The following PCNX3 variants were observed in gnomAD, a reference collection of about 807,000 sequenced individuals.
The protein encoded by PCNX3 is pecanex-like protein 3.
Under a neutral mutation model 207.2 loss-of-function variants are expected in PCNX3, and 58 were observed. The ratio of observed to expected loss-of-function variants is 0.28; its 90% CI spans 0.23 to 0.35. The LOEUF is 0.35. Among genes scored for constraint, PCNX3 ranks in the 10% least tolerant of loss-of-function variants. The pLI is 1.00. For missense variants in PCNX3, 2,410 were observed against 2,774.4 expected (o/e 0.87, Z 2.95); for synonymous variants, 1,337 against 1,183.5 (o/e 1.13, Z -2.66).
Position 65,632,558 on chromosome 11 carries a change from C to T in PCNX3, c.4471-1568C>T, listed in dbSNP as rs115093909. 1.4e-3 allele frequency among the ~76,000 whole-genome samples: 179 copies of T among 131,850 alleles called. 4 individuals are homozygous for T. The highest frequency in any genetic ancestry group is 4.8e-3 in the African/African-American group (173 of 36,006). 86.5% of individuals were successfully genotyped at this position (131,850 alleles called of 152,430 possible). On this transcript the variant is annotated intron_variant, in intron 27 of 34. Coordinates refer to ENST00000355703, the MANE Select transcript of PCNX3 (RefSeq NM_032223.4). ...CTGGGCAGTGCTTCCCGGGAAGTAC[C>T]TTGGGCAGAGCCCAGCTCGCAGTGA...
In PCNX3 at chr11:65,624,591, C is replaced by T; in HGVS notation, c.2827+10C>T. 2 of 1,575,550 alleles carry T rather than the reference C, an allele frequency of 1.3e-6. No homozygotes were observed. Among genetic ancestry groups the T allele is most frequent in the Non-Finnish European group, 1.7e-6 (2 of 1,158,860 alleles). On this transcript the variant is annotated intron_variant, in intron 15 of 34. Coordinates refer to ENST00000355703, the MANE Select transcript of PCNX3 (RefSeq NM_032223.4). The stretch of plus-strand genomic sequence containing the variant: ...GGCTTCGGGGGCACAGGTATGATGC[C>T]CACAGGTGGCTCAGGGATGGGGCCC...
At position 65,634,961 on chromosome 11, in the gene PCNX3, C is replaced by T; in HGVS notation, c.4806-12C>T. 1.9e-6 allele frequency: 3 copies of T among 1,604,344 alleles called. No individual in the cohort carries two copies. The highest frequency in any genetic ancestry group is 1.1e-5 in the South Asian group (1 of 90,434). On this transcript the variant is annotated splice_polypyrimidine_tract_variant and intron_variant, in intron 29 of 34. Transcript: ENST00000355703. ...ACCCCTCTCTCCCCTCCCTGTTTTTCCTCCCACTTAGCCTGGAGCCCTTCC... is the reference window on the plus strand; with the variant it reads ...ACCCCTCTCTCCCCTCCCTGTTTTTTCTCCCACTTAGCCTGGAGCCCTTCC...
intron 5 of PCNX3, 86 bp downstream of exon 5, chr11:65,617,792 T>G: frequency 1.3e-6 from 2 of 1,500,116 alleles, no homozygotes; most frequent in Non-Finnish European, 1.8e-6. Flanking sequence ...CCATCCTGGG[T>G]CTCCTCTGTA....
Position 65,628,512 on chromosome 11 carries a change from A to G in PCNX3, c.3703-83A>G, listed in dbSNP as rs549844433. The G allele has an allele frequency of 4.0e-5, 54 of 1,339,648 alleles. 1 individual carries two copies. In the Admixed American group the frequency reaches 9.8e-4, roughly 24 times the overall value. The allele number at this position is 1,339,648 out of a possible 1,614,324, so 83.0% of individuals were successfully genotyped here. A position where few individuals can be genotyped will look rare whatever the true frequency, so the allele number is the denominator to read the frequency against. Reference sequence around the variant, plus strand: ...TGGGCCAAGCCAGTGCGATGACCCAAGCCTCTGAATGGGGCCTGGCATCCG... The same window carrying G: ...TGGGCCAAGCCAGTGCGATGACCCAGGCCTCTGAATGGGGCCTGGCATCCG... On this transcript the variant is annotated intron_variant, in intron 22 of 34. Transcript: ENST00000355703.
At chr11:65,617,863 C>A in intron 5 of PCNX3, 77 bp from the exon 6 acceptor site, 2 of 1,471,042 alleles carry the variant, frequency 1.4e-6, no homozygotes, top group South Asian at 2.6e-5. Context: ...AAGTACAGGG[C>A]ATAAGACCTC....
chr11:65,619,759 T>G lies in PCNX3; in HGVS notation c.1835T>G (p.Leu612Arg). The G allele has an allele frequency of 6.4e-7, 1 of 1,568,506 alleles. No homozygotes were observed. Among genetic ancestry groups the G allele is most frequent in the African/African-American group, 1.3e-5 (1 of 74,340 alleles). ...CTGGGGCTGACCCTCTCCAGCAGCC[T>G]GCAGGAAGCTCAGCGGGGCCGGGCT... Reference protein sequence around the residue: ...ASVMGSPPSSLQEAQRGRAAS... With the variant: ...ASVMGSPPSSRQEAQRGRAAS... Residue 612 changes from leucine to arginine, a missense_variant, in exon 8 of 35, where the codon CTG becomes CGG. By Grantham distance (102) the Leu-to-Arg change is moderately radical. Around this residue, in one of 8 missense-constraint regions of PCNX3, gnomAD observed 1,104 missense variants for 970.3 expected, o/e 1.14. Coordinates refer to ENST00000355703, the MANE Select transcript of PCNX3 (RefSeq NM_032223.4).
At position 65,634,525 on chromosome 11, in the gene PCNX3, C is replaced by T. The variant is rs1809054841; in HGVS notation, c.4702-13C>T. ...CTGAGCTGGGCTCTGGGATGGGGGT[C>T]CTTATGCCACAGCCCGTGGACCAGG... On this transcript the variant is annotated splice_polypyrimidine_tract_variant and intron_variant, in intron 28 of 34. Coordinates refer to ENST00000355703, the MANE Select transcript of PCNX3 (RefSeq NM_032223.4). 1 of 1,577,408 alleles carries T rather than the reference C, an allele frequency of 6.3e-7. No individual in the cohort carries two copies. The highest frequency in any genetic ancestry group is 1.8e-5 in the Admixed American group (1 of 55,778).
In PCNX3 at chr11:65,622,167, G is replaced by GGGTGTGAA; in HGVS notation, c.2236-74_2236-73insTGAAGGTG. On this transcript the variant is annotated intron_variant, in intron 10 of 34. Coordinates refer to ENST00000355703, the MANE Select transcript of PCNX3 (RefSeq NM_032223.4). ...GGGGGGTAACAGTAGACCATGTGGG[G>GGGTGTGAA]GGTGGCGGGGCTGACGGCCGCGGCT... 2.0e-6 allele frequency: 3 copies of GGGTGTGAA among 1,509,434 alleles called. No homozygotes were observed. In the South Asian group the frequency reaches 3.8e-5, roughly 19 times the overall value. The allele number at this position is 1,509,434 out of a possible 1,614,324, so 93.5% of individuals were successfully genotyped here.
In PCNX3 at chr11:65,617,648, T is replaced by C. The variant is rs777997538; in HGVS notation, c.519T>C (p.Asn173=). The C allele has an allele frequency of 1.9e-6, 3 of 1,600,544 alleles. No homozygotes were observed. The highest frequency in any genetic ancestry group is 2.6e-6 in the Non-Finnish European group (3 of 1,173,488). Residue 173 remains asparagine, a synonymous_variant, in exon 5 of 35, where the codon AAT becomes AAC. Coordinates refer to ENST00000355703, the MANE Select transcript of PCNX3 (RefSeq NM_032223.4). ...TGGTGCGGGAGCAGGGCAGCAACAA[T>C]GTGATCGTGACTTCTGCCGACCGAG... ...KELVREQGSN[N]VIVTSADREM... is the part of the protein sequence containing the mutation.
At chr11:65,624,653 T>TG (rs1404077196) in intron 15 of PCNX3, 72 bp downstream of exon 15, 21 of 1,368,680 alleles carry the variant, frequency 1.5e-5, no homozygotes, top group Non-Finnish European at 2.0e-5. Flanking sequence ...ATTGGGTCCT[T>TG]GGCTCCACCC....
chr11:65,629,539 C>T lies in PCNX3; in HGVS notation c.4020C>T (p.Leu1340=), dbSNP rs777616571. The T allele has an allele frequency of 8.7e-6, 14 of 1,613,660 alleles. No homozygotes were observed. Among genetic ancestry groups the T allele is most frequent in the South Asian group, 7.7e-5 (7 of 91,074 alleles). Residue 1340 remains leucine (L), a synonymous_variant, in exon 26 of 35, where the codon CTC becomes CTT. Coordinates refer to ENST00000355703, the MANE Select transcript of PCNX3 (RefSeq NM_032223.4). ...TCTTAGGCGCTGATGACAACAACCTCAACTCCATCTTCTATGAGCACTTGA... is the reference window on the plus strand; with the variant it reads ...TCTTAGGCGCTGATGACAACAACCTTAACTCCATCTTCTATGAGCACTTGA... ...DRNPGADDNN[L]NSIFYEHLTR...
intron 15 of PCNX3, 140 bp from the exon 16 acceptor site, chr11:65,624,778 CGCTTGGG>C: frequency 2.1e-6 from 2 of 957,808 alleles, no homozygotes; most frequent in Non-Finnish European, 3.1e-6. Flanking sequence ...CTCTAAAGGC[CGCTTGGG>C]GCTTGGGGCA....
Position 65,622,302 on chromosome 11 carries a change from C to G in PCNX3, c.2293C>G (p.Leu765Val). 6.3e-7 allele frequency: 1 copy of G among 1,598,660 alleles called. No individual in the cohort carries two copies. Among genetic ancestry groups the G allele is most frequent in the African/African-American group, 1.3e-5 (1 of 74,646 alleles). Residue 765 changes from leucine (L) to valine (V), a missense_variant, in exon 11 of 35, where the codon CTT becomes GTT. Around this residue, in one of 8 missense-constraint regions of PCNX3, gnomAD observed 177 missense variants for 257.5 expected, o/e 0.69. Coordinates refer to ENST00000355703, the MANE Select transcript of PCNX3 (RefSeq NM_032223.4). ...GGCCCAGCATAGTTACAAGTACTGG[C>G]TTCTCCCTGGCCGCTGGACCTCTGT... is the stretch of plus-strand genomic sequence containing the variant. ...PRAQHSYKYW[L>V]LPGRWTSVRY... is the part of the protein sequence containing the mutation.
intron 27 of PCNX3, among the ~76,000 whole-genome samples, chr11:65,633,838 A>G (rs1404476231): frequency 6.6e-6 from 1 of 152,186 alleles, no homozygotes; most frequent in Non-Finnish European, 1.5e-5. Context: ...CAAACGGGGC[A>G]TATTCTAGGG....
chr11:65,629,316 A>C (rs758883791), intron 24 of PCNX3, 41 bp from the exon 25 acceptor site: 2 of 1,587,800 alleles, frequency 1.3e-6, no homozygotes, highest in Admixed American at 3.5e-5. Context: ...CCCTCTCTTC[A>C]CCTTCTTGGC....
chr11:65,626,692 C>G, intron 20 of PCNX3: 1 of 623,810 alleles, frequency 1.6e-6, no homozygotes, highest in Non-Finnish European at 2.8e-6. Flanking sequence ...AGCAGAGCAC[C>G]TGCCATAAAG....
intron 10 of PCNX3, among the ~76,000 whole-genome samples, chr11:65,621,712 C>T (rs1942015): frequency 6.6e-6 from 1 of 152,238 alleles, no homozygotes; most frequent in Non-Finnish European, 1.5e-5. Context: ...GGGCCCATAG[C>T]TGGGGCCCCA....
chr11:65,616,768 A>G (rs1398953748), intron 1 of PCNX3, 56 bp from the exon 2 acceptor site: 3 of 1,553,680 alleles, frequency 1.9e-6, no homozygotes, highest in Non-Finnish European at 2.6e-6. Context: ...GATGGCAGGT[A>G]CATCCTGTGG....
At chr11:65,619,171 C>A (rs79467943) in intron 6 of PCNX3, 104 bp downstream of exon 6, 3 of 970,556 alleles carry the variant, frequency 3.1e-6, no homozygotes, top group Non-Finnish European at 4.5e-6. Flanking sequence ...AGCTCAGCCT[C>A]GGTTGTAGGC....
Sources: allele counts gnomAD v4.1 joint callset (sites outside exome capture counted in the v4.1 genomes callset), GRCh38; gene constraint gnomAD v4.1.1; regional missense constraint gnomAD v4.1.1; transcripts MANE v1.5; gene names NCBI Gene and HGNC (gene_info 2026-07-23, HGNC 2026-07-21).